MAP4K3: variants seen among roughly 807,000 people sequenced by gnomAD.
The protein encoded by MAP4K3 is MAPK/ERK kinase kinase kinase 3.
In MAP4K3, 94 loss-of-function variants were observed where a neutral mutation model predicts 143.5. The observed-to-expected ratio is 0.65, with a 90% CI of 0.55 to 0.78. MAP4K3 has a LOEUF of 0.78. Ranked by LOEUF, MAP4K3 falls within the 30% of genes least tolerant of loss-of-function variation. The probability of loss-of-function intolerance (pLI) is 0.00; values close to 1 mark genes in which losing one functional copy is unlikely to be tolerated. For synonymous variants in MAP4K3, 416 were observed against 347.2 expected (o/e 1.20, Z -2.20); for missense variants, 1,077 against 1,068.1 (o/e 1.01, Z -0.12).
chr2:39,337,346 A>G (rs1009301902), intron 5 of MAP4K3, among the ~76,000 whole-genome samples, 180 bp downstream of exon 5: 6 of 152,186 alleles, frequency 3.9e-5, no homozygotes, highest in African/African-American at 1.4e-4. Flanking sequence ...TTTATGCTTT[A>G]AAGTATTTAT....
At chr2:39,403,598 A>G (rs570465201) in intron 1 of MAP4K3, among the ~76,000 whole-genome samples, 2 of 152,246 alleles carry the variant, frequency 1.3e-5, no homozygotes, top group South Asian at 4.1e-4. Flanking sequence ...AGTTCTGGCA[A>G]GCCTCCCCAC....
At chr2:39,404,864 G>A (rs1490571262) in intron 1 of MAP4K3, among the ~76,000 whole-genome samples, 11 of 151,922 alleles carry the variant, frequency 7.2e-5, no homozygotes, top group Admixed American at 2.0e-4. Context: ...CAGGGGATCC[G>A]CCCGCCTTGG....
At chr2:39,421,663 T>C (rs1667551531) in intron 1 of MAP4K3, among the ~76,000 whole-genome samples, 1 of 152,198 alleles carries the variant, frequency 6.6e-6, no homozygotes, top group African/African-American at 2.4e-5. Context: ...TAGTATATAC[T>C]CTATAAATGG....
chr2:39,378,220 T>C, intron 1 of MAP4K3, 97 bp from the exon 2 acceptor site: 2 of 642,502 alleles, frequency 3.1e-6, no homozygotes, highest in Middle Eastern at 4.4e-4. Context: ...TATATAAAAA[T>C]ATTTTAAAAG....
At chr2:39,356,772 T>C (rs1403678799) in intron 2 of MAP4K3, among the ~76,000 whole-genome samples, 2 of 152,260 alleles carry the variant, frequency 1.3e-5, no homozygotes, top group Non-Finnish European at 1.5e-5. Flanking sequence ...GTATTTGCTA[T>C]TATTATTATG....
intron 12 of MAP4K3, chr2:39,323,701 A>C (rs992919977): frequency 9.9e-5 from 15 of 152,164 alleles, no homozygotes; most frequent in African/African-American, 3.6e-4. Context: ...TAGAAAAGAT[A>C]CTTGCTCTGT....
intron 1 of MAP4K3, among the ~76,000 whole-genome samples, chr2:39,392,768 A>C (rs1368051504): frequency 6.6e-6 from 1 of 152,308 alleles, no homozygotes; most frequent in East Asian, 1.9e-4. Context: ...TGAGTTGGTT[A>C]TAAAAGTGAG....
chr2:39,409,695 G>GT (rs1553317551), intron 1 of MAP4K3, among the ~76,000 whole-genome samples: 5 of 152,170 alleles, frequency 3.3e-5, no homozygotes, highest in Non-Finnish European at 4.4e-5. Flanking sequence ...TATACTCAGA[G>GT]TTGAAAATAA....
At chr2:39,342,628 T>TA (rs2148534711) in intron 4 of MAP4K3, among the ~76,000 whole-genome samples, 1 of 152,190 alleles carries the variant, frequency 6.6e-6, no homozygotes, top group Admixed American at 6.5e-5. Context: ...TAAAGTGAAA[T>TA]GAAGTAAAAT....
chr2:39,278,563 C>T (rs374769437), intron 23 of MAP4K3, 77 bp from the exon 24 acceptor site: 35 of 759,904 alleles, frequency 4.6e-5, no homozygotes, highest in South Asian at 1.1e-4. Flanking sequence ...TCTAAACTTC[C>T]GTAAATAAGT....
In MAP4K3 at chr2:39,249,762, T is replaced by TAC. The variant is rs1239893066; in HGVS notation, c.*854_*855dup. The TAC allele has an allele frequency of 2.0e-5, 3 of 152,758 alleles. No individual in the cohort carries two copies. Among genetic ancestry groups the TAC allele is most frequent in the African/African-American group, 7.2e-5 (3 of 41,590 alleles). The allele number at this position is 152,758 out of a possible 1,614,324, so 9.5% of individuals were successfully genotyped here. A position where few individuals can be genotyped will look rare whatever the true frequency, so the allele number is the denominator to read the frequency against. ...ATAATGCTAATTAATTCTTTGTGCATACTGTAATTCTGACCACAATTGCAG... is the reference window on the plus strand; with the variant it reads ...ATAATGCTAATTAATTCTTTGTGCATACACTGTAATTCTGACCACAATTGCAG... On this transcript the variant is annotated 3_prime_UTR_variant, in exon 34 of 34. Coordinates refer to ENST00000263881, the MANE Select transcript of MAP4K3 (RefSeq NM_003618.4).
intron 4 of MAP4K3, among the ~76,000 whole-genome samples, chr2:39,339,640 T>A (rs762646986): frequency 2.6e-5 from 4 of 152,106 alleles, no homozygotes; most frequent in Admixed American, 2.6e-4. Context: ...GAGGGCTACA[T>A]CCTCATTAAA....
At position 39,415,998 on chromosome 2, in the gene MAP4K3, TATATATAA is replaced by T. The variant is rs1358955156; in HGVS notation, c.96+20886_96+20893del. On this transcript the variant is annotated intron_variant, in intron 1 of 33. Coordinates refer to ENST00000263881, the MANE Select transcript of MAP4K3 (RefSeq NM_003618.4). The stretch of plus-strand genomic sequence containing the variant: ...AAAAAAAAATATATATATATATATA[TATATATAA>T]AAATAACATTTGGAAGAATAAATTC... Among the ~76,000 whole-genome samples the T allele has an allele frequency of 3.3e-4, 30 of 91,286 alleles. 3 individuals carry two copies. Among genetic ancestry groups the T allele is most frequent in the African/African-American group, 1.4e-3 (30 of 22,120 alleles). The allele number at this position is 91,286 out of a possible 152,430, so 59.9% of individuals were successfully genotyped here. A position where few individuals can be genotyped will look rare whatever the true frequency, so the allele number is the denominator to read the frequency against.
chr2:39,399,239 A>G (rs998103236), intron 1 of MAP4K3, among the ~76,000 whole-genome samples: 9 of 152,180 alleles, frequency 5.9e-5, no homozygotes, highest in African/African-American at 2.2e-4. Context: ...TGTAATTTAT[A>G]TGTCACTAAG....
rs549982901 is a variant in MAP4K3, at chr2:39,338,428, CTCT to C, written c.311-850_311-848del. 1.3e-3 allele frequency among the ~76,000 whole-genome samples: 198 copies of C among 152,282 alleles called. 3 individuals are homozygous for C. The highest frequency in any genetic ancestry group is 4.6e-3 in the African/African-American group (192 of 41,548). Reference sequence around the variant, plus strand: ...ATAGAAAAGTTTGGAAATTAAAGGTCTCTTCTTTATCCAAAATGTTACTCAACA... The same window carrying C: ...ATAGAAAAGTTTGGAAATTAAAGGTCTCTTTATCCAAAATGTTACTCAACA... On this transcript the variant is annotated intron_variant, in intron 4 of 33. Transcript: ENST00000263881.
At chr2:39,401,330 C>A (rs191749710) in intron 1 of MAP4K3, among the ~76,000 whole-genome samples, 11 of 152,088 alleles carry the variant, frequency 7.2e-5, no homozygotes, top group Non-Finnish European at 1.5e-4. Flanking sequence ...AGAGAGAGAA[C>A]AATTACCAAA....
intron 8 of MAP4K3, among the ~76,000 whole-genome samples, chr2:39,330,501 C>T (rs577432365): frequency 1.2e-4 from 18 of 152,210 alleles, no homozygotes; most frequent in African/African-American, 4.1e-4. Flanking sequence ...AAGAAGAAGA[C>T]CTAGAATCCA....
rs1664971968 is a variant in MAP4K3, at chr2:39,423,851, T to A, written c.96+13041A>T. On this transcript the variant is annotated intron_variant, in intron 1 of 33. Coordinates refer to ENST00000263881, the MANE Select transcript of MAP4K3 (RefSeq NM_003618.4). ...GATACTATACTGATGGAAACATTTG[T>A]CAAAAGCACAGAAAATGTGCAACAC... is the stretch of plus-strand genomic sequence containing the variant. Among the ~76,000 whole-genome samples, 9 of 152,224 alleles carry A rather than the reference T, an allele frequency of 5.9e-5. No individual in the cohort carries two copies. The South Asian group carries it at 1.9e-3, about 32-fold the overall frequency.
At chr2:39,294,652 G>A (rs1362307466) in intron 16 of MAP4K3, among the ~76,000 whole-genome samples, 1 of 152,216 alleles carries the variant, frequency 6.6e-6, no homozygotes, top group East Asian at 1.9e-4. Flanking sequence ...GCTATGTAAA[G>A]TAGAAATTAC....
Sources: gnomAD v4.1 joint callset for allele counts (sites outside exome capture counted in the v4.1 genomes callset) on GRCh38, gnomAD v4.1.1 for gene constraint, MANE v1.5 for transcripts, NCBI Gene and HGNC (gene_info 2026-07-23, HGNC 2026-07-21) for gene names.